The following FHIP1B variants were observed in gnomAD, a reference collection of about 807,000 sequenced individuals.
FHIP1B encodes FHF complex subunit HOOK-interacting protein 1B.
In FHIP1B, 28 loss-of-function variants were observed where a neutral mutation model predicts 82.2. The observed-to-expected ratio is 0.34, with a 90% CI of 0.25 to 0.47. The LOEUF (loss-of-function observed/expected upper bound fraction) is 0.47, where lower values mean the gene tolerates loss of function less well. FHIP1B is among the 20% of genes least tolerant of loss of function. The pLI, the probability that FHIP1B is intolerant of heterozygous loss-of-function variation, is 1.00. For synonymous variants in FHIP1B, 585 were observed against 516.1 expected (o/e 1.13, Z -1.81); for missense variants, 1,110 against 1,262.6 (o/e 0.88, Z 1.83).
rs1447549242 is a variant in FHIP1B, at chr11:6,222,803, A to T, written c.1023+8T>A. ...CCCCTTATATGCCTTGCCACCCATGACTCTCACCTTGTGCAAGGCAGGACC... is the reference window on the plus strand; with the variant it reads ...CCCCTTATATGCCTTGCCACCCATGTCTCTCACCTTGTGCAAGGCAGGACC... On this transcript the variant is annotated splice_region_variant and intron_variant, in intron 5 of 11. Coordinates refer to ENST00000449352, the MANE Select transcript of FHIP1B (RefSeq NM_001098794.2). 2 of 1,613,380 alleles carry T rather than the reference A, an allele frequency of 1.2e-6. No homozygotes were observed. Among genetic ancestry groups the T allele is most frequent in the African/African-American group, 2.7e-5 (2 of 74,792 alleles).
At chr11:6,225,574 T>C (rs1367425098) in intron 1 of FHIP1B, among the ~76,000 whole-genome samples, 1 of 152,214 alleles carries the variant, frequency 6.6e-6, no homozygotes, top group Non-Finnish European at 1.5e-5. Flanking sequence ...GTCTGTTGTA[T>C]CCCCAGGGCC....
intron 1 of FHIP1B, among the ~76,000 whole-genome samples, chr11:6,233,868 G>A (rs563770909): frequency 8.5e-4 from 129 of 152,284 alleles, no homozygotes; most frequent in African/African-American, 2.8e-3. Context: ...GTCCAGAGAA[G>A]GAACTCGAAG....
chr11:6,215,412 GAACA>G (rs2133788929), intron 9 of FHIP1B: 1 of 152,314 alleles, frequency 6.6e-6, no homozygotes, highest in East Asian at 1.9e-4. Context: ...CACAACAGAA[GAACA>G]AATAGGTTGA....
intron 6 of FHIP1B, among the ~76,000 whole-genome samples, chr11:6,220,647 C>T (rs1169260603): frequency 6.6e-6 from 1 of 152,186 alleles, no homozygotes; most frequent in Admixed American, 6.5e-5. Flanking sequence ...TAGAAGAGAT[C>T]TGTTCCTCCA....
chr11:6,217,259 G>T, intron 9 of FHIP1B, 112 bp downstream of exon 9: 1 of 932,358 alleles, frequency 1.1e-6, no homozygotes, highest in Non-Finnish European at 1.7e-6. Context: ...TGGATGAGGG[G>T]CTAGGCAAGT....
At chr11:6,221,602 T>C (rs570008368) in intron 6 of FHIP1B, among the ~76,000 whole-genome samples, 7 of 152,254 alleles carry the variant, frequency 4.6e-5, no homozygotes, top group African/African-American at 1.7e-4. Flanking sequence ...ACCTCTAGTC[T>C]TTCATTTCCT....
At position 6,211,882 on chromosome 11, in the gene FHIP1B, G is replaced by A. The variant is rs769470949; in HGVS notation, c.2558-15C>T. 5.2e-6 allele frequency: 8 copies of A among 1,536,416 alleles called. No individual in the cohort carries two copies. Among genetic ancestry groups the A allele is most frequent in the African/African-American group, 2.8e-5 (2 of 72,578 alleles). On this transcript the variant is annotated splice_polypyrimidine_tract_variant and intron_variant, in intron 11 of 11. Transcript: ENST00000449352. ...CCGGCTCTTCACTGGGAATAAACAG[G>A]GGTATCATGAAGGTGCTGGGATCAG...
In FHIP1B at chr11:6,218,114, G is replaced by A. The variant is rs3750944; in HGVS notation, c.1472C>T (p.Thr491Met). 883,051 of 1,611,026 alleles carry A rather than the reference G, an allele frequency of 0.55. 243,679 individuals are homozygous for A. Among genetic ancestry groups the A allele is most frequent in the African/African-American group, 0.59 (43,975 of 74,796 alleles). ...TGGTGTGGAGGGCCGGGGTACTGTCGTCACAGAAGAGGAGTCCACACTTGG... is the reference window on the plus strand; with the variant it reads ...TGGTGTGGAGGGCCGGGGTACTGTCATCACAGAAGAGGAGTCCACACTTGG... ...GSPSVDSSSV[T>M]TVPRPSTPSR... Residue 491 changes from threonine to methionine, a missense_variant, in exon 9 of 12, where the codon ACG (threonine) becomes ATG (methionine). Coordinates refer to ENST00000449352, the MANE Select transcript of FHIP1B (RefSeq NM_001098794.2).
intron 1 of FHIP1B, among the ~76,000 whole-genome samples, chr11:6,227,025 AAATT>A (rs1286664402): frequency 6.6e-6 from 1 of 152,256 alleles, no homozygotes; most frequent in Non-Finnish European, 1.5e-5. Context: ...TGCAATACTG[AAATT>A]ATTTATACCT....
intron 1 of FHIP1B, among the ~76,000 whole-genome samples, chr11:6,225,563 T>C (rs550142147): frequency 7.2e-5 from 11 of 152,354 alleles, no homozygotes; most frequent in Middle Eastern, 3.4e-3. Context: ...TGTCTTATTG[T>C]GTCTGTTGTA....
chr11:6,229,976 C>CA (rs59413930), intron 1 of FHIP1B, among the ~76,000 whole-genome samples: 4,539 of 91,966 alleles, frequency 0.049, 190 homozygotes, highest in African/African-American at 0.13. Flanking sequence ...TAGCAAAGTC[C>CA]AAAAAAAAAA....
At chr11:6,214,272 G>T in intron 11 of FHIP1B, 139 bp downstream of exon 11, 2 of 1,052,344 alleles carry the variant, frequency 1.9e-6, no homozygotes, top group Non-Finnish European at 2.8e-6. Flanking sequence ...CCAGAAGCCT[G>T]AGAACAAACA....
Position 6,223,224 on chromosome 11 carries a change from C to T in FHIP1B, c.792G>A (p.Gly264=), listed in dbSNP as rs1237784499. 7.6e-6 allele frequency: 12 copies of T among 1,588,512 alleles called. No homozygotes were observed. Among genetic ancestry groups the T allele is most frequent in the Non-Finnish European group, 1.0e-5 (12 of 1,174,136 alleles). Residue 264 remains glycine (G), a synonymous_variant, in exon 4 of 12, where the codon GGG becomes GGA. Coordinates refer to ENST00000449352, the MANE Select transcript of FHIP1B (RefSeq NM_001098794.2). The surrounding 1 kb of genome is among the most constrained non-coding windows in gnomAD (Gnocchi z 4.8). ...HSYFCPVLAT[G]LSALYSSLPR... ...GCAGTGATGAGTACAGGGCACTGAG[C>T]CCTGTGGCCAGCACCTATGAGAAGT...
chr11:6,232,866 C>G (rs1847733293), intron 1 of FHIP1B, among the ~76,000 whole-genome samples: 1 of 151,068 alleles, frequency 6.6e-6, no homozygotes, highest in Admixed American at 6.6e-5. Context: ...TTTTTTTTAA[C>G]CCACCATCTA....
intron 1 of FHIP1B, among the ~76,000 whole-genome samples, chr11:6,226,402 G>A (rs1276937755): frequency 6.6e-6 from 1 of 152,116 alleles, no homozygotes; most frequent in Non-Finnish European, 1.5e-5. Context: ...AAACAGTTGA[G>A]GTAGCATAAA....
Position 6,214,973 on chromosome 11 carries a change from A to G in FHIP1B, c.2216-62T>C, listed in dbSNP as rs566002831. 6 of 1,415,114 alleles carry G rather than the reference A, an allele frequency of 4.2e-6. No individual in the cohort carries two copies. The East Asian group carries it at 1.0e-4, about 24-fold the overall frequency. The allele number at this position is 1,415,114 out of a possible 1,614,324, so 87.7% of individuals were successfully genotyped here. ...CCTGAACACAATGCACATCGCACGC[A>G]TTCCTCCCCAAAACAAGAGACCCCC... On this transcript the variant is annotated intron_variant, in intron 9 of 11. Coordinates refer to ENST00000449352, the MANE Select transcript of FHIP1B (RefSeq NM_001098794.2).
At chr11:6,218,472 CCAAAGA>C in intron 8 of FHIP1B, 122 bp downstream of exon 8, 3 of 1,440,730 alleles carry the variant, frequency 2.1e-6, no homozygotes, top group Non-Finnish European at 1.9e-6. Context: ...ATCAACCTCC[CCAAAGA>C]CAGACTATCA....
intron 1 of FHIP1B, among the ~76,000 whole-genome samples, chr11:6,225,163 A>G (rs1847529687): frequency 1.3e-5 from 2 of 152,294 alleles, no homozygotes; most frequent in Non-Finnish European, 2.9e-5. Flanking sequence ...ATACTCTCCA[A>G]TAATTTCCTA....
chr11:6,229,258 T>A (rs929569280), intron 1 of FHIP1B, among the ~76,000 whole-genome samples: 1 of 152,228 alleles, frequency 6.6e-6, no homozygotes, highest in Non-Finnish European at 1.5e-5. Context: ...TGACTTTAAA[T>A]AAATCATTTC....
Sources: allele counts gnomAD v4.1 joint callset (sites outside exome capture counted in the v4.1 genomes callset), GRCh38; gene constraint gnomAD v4.1.1; non-coding constraint Gnocchi (gnomAD v3.1); transcripts MANE v1.5; gene names NCBI Gene and HGNC (gene_info 2026-07-23, HGNC 2026-07-21).